TAF4B: variants seen among roughly 807,000 people sequenced by gnomAD.
TAF4B encodes TATA-box binding protein associated factor 4b.
A neutral mutation model predicts 86.4 loss-of-function variants in TAF4B; 38 were observed. The ratio of observed to expected loss-of-function variants is 0.44; its 90% CI spans 0.34 to 0.58. The LOEUF (loss-of-function observed/expected upper bound fraction) is 0.58, where lower values mean the gene tolerates loss of function less well. Among genes scored for constraint, TAF4B ranks in the 20% least tolerant of loss-of-function variants. The pLI is 0.02. For synonymous variants in TAF4B, 388 were observed against 391.2 expected (o/e 0.99, Z 0.10); for missense variants, 988 against 1,027.6 (o/e 0.96, Z 0.53).
At chr18:26,347,172 G>A (rs183673198) in intron 13 of TAF4B, among the ~76,000 whole-genome samples, 25 of 151,414 alleles carry the variant, frequency 1.7e-4, no homozygotes, top group Admixed American at 7.9e-4. Flanking sequence ...CGTCCGCCTC[G>A]GCCTCCCAAA....
intron 12 of TAF4B, 146 bp downstream of exon 12, chr18:26,327,286 A>ACAGC: frequency 1.0e-6 from 1 of 990,156 alleles, no homozygotes; most frequent in East Asian, 2.7e-5. Context: ...AGGATGTCTC[A>ACAGC]CAGCCAGGAT....
At position 26,327,910 on chromosome 18, in the gene TAF4B, C is replaced by T. The variant is rs1031777613; in HGVS notation, c.2259+770C>T. Reference sequence around the variant, plus strand: ...AAGGCTATTTATTTATTTCCCTTCTCCCTTATTTAAACGTTTTCTTGGGCT... The same window carrying T: ...AAGGCTATTTATTTATTTCCCTTCTTCCTTATTTAAACGTTTTCTTGGGCT... On this transcript the variant is annotated intron_variant, in intron 12 of 14. Transcript: ENST00000269142. Among the ~76,000 whole-genome samples the T allele has an allele frequency of 3.9e-5, 6 of 152,180 alleles. No homozygotes were observed. In the South Asian group the frequency reaches 1.2e-3, roughly 31 times the overall value.
In TAF4B at chr18:26,334,575, C is replaced by T. The variant is rs150939092; in HGVS notation, c.2260-600C>T. Among the ~76,000 whole-genome samples, 186 of 152,152 alleles carry T rather than the reference C, an allele frequency of 1.2e-3. 4 individuals carry two copies. In the East Asian group the frequency reaches 0.022, roughly 18 times the overall value. ...TATGCCAGTTCTGTATTATGGAAGG[C>T]GACATCCAATAAACAATTATTGAAC... On this transcript the variant is annotated intron_variant, in intron 12 of 14. Transcript: ENST00000269142.
intron 1 of TAF4B, among the ~76,000 whole-genome samples, chr18:26,241,643 G>A (rs1007718703): frequency 6.6e-6 from 1 of 151,952 alleles, no homozygotes; most frequent in Non-Finnish European, 1.5e-5. Context: ...GAATGTGTTT[G>A]CTCTTGCTTC....
chr18:26,359,968 TTGGCCTCCCAAA>T (rs2057317908), intron 14 of TAF4B, among the ~76,000 whole-genome samples: 1 of 152,030 alleles, frequency 6.6e-6, no homozygotes, highest in Non-Finnish European at 1.5e-5. Context: ...TTCACCTGCC[TTGGCCTCCCAAA>T]GTGCTAGGAT....
intron 9 of TAF4B, among the ~76,000 whole-genome samples, chr18:26,302,371 A>ATTTT (rs66683595): frequency 0.025 from 2,319 of 92,998 alleles, 200 homozygotes; most frequent in African/African-American, 0.076. Flanking sequence ...TTCATATTAA[A>ATTTT]TTTTTTTTTT....
At chr18:26,273,423 T>TA (rs1215104020) in intron 3 of TAF4B, among the ~76,000 whole-genome samples, 1 of 152,194 alleles carries the variant, frequency 6.6e-6, no homozygotes, top group Non-Finnish European at 1.5e-5. Flanking sequence ...TATGTACACA[T>TA]ATGTAATATG....
intron 10 of TAF4B, among the ~76,000 whole-genome samples, chr18:26,316,654 G>A (rs1413470241): frequency 6.6e-6 from 1 of 152,054 alleles, no homozygotes; most frequent in Non-Finnish European, 1.5e-5. Context: ...CAAAGTGCTG[G>A]GATTACAGGC....
rs151223094 is a variant in TAF4B, at chr18:26,283,831, A to G, written c.972+1771A>G. 2.0e-3 allele frequency among the ~76,000 whole-genome samples: 311 copies of G among 152,282 alleles called. 1 individual carries two copies. Among genetic ancestry groups the G allele is most frequent in the African/African-American group, 7.3e-3 (302 of 41,546 alleles). On this transcript the variant is annotated intron_variant, in intron 6 of 14. Coordinates refer to ENST00000269142, the MANE Select transcript of TAF4B (RefSeq NM_005640.3). The stretch of plus-strand genomic sequence containing the variant: ...TTTAGGAGCCCAAGGCAGGCAGATC[A>G]CCTGGGGTCAGGAGTTCGAGACCAG...
chr18:26,266,529 C>T (rs1240248244), intron 2 of TAF4B, among the ~76,000 whole-genome samples: 1 of 152,150 alleles, frequency 6.6e-6, no homozygotes, highest in Non-Finnish European at 1.5e-5. Flanking sequence ...GGTGATCTTT[C>T]TAGATAACTG....
At chr18:26,296,595 C>A (rs899625117) in intron 9 of TAF4B, among the ~76,000 whole-genome samples, 3 of 152,056 alleles carry the variant, frequency 2.0e-5, no homozygotes, top group Non-Finnish European at 4.4e-5. Context: ...GTAATCCAGG[C>A]AGTCATCATC....
intron 10 of TAF4B, among the ~76,000 whole-genome samples, chr18:26,318,839 T>C (rs1354994978): frequency 6.6e-6 from 1 of 152,262 alleles, no homozygotes; most frequent in African/African-American, 2.4e-5. Flanking sequence ...TTAAAAGATA[T>C]GTGTGTTTTT....
chr18:26,369,963 T>G (rs1421274850), intron 14 of TAF4B, among the ~76,000 whole-genome samples: 2 of 152,188 alleles, frequency 1.3e-5, no homozygotes, highest in African/African-American at 4.8e-5. Context: ...TGATCCTGTC[T>G]CTAGTGGTAA....
At chr18:26,290,729 C>T (rs1400393206) in intron 7 of TAF4B, among the ~76,000 whole-genome samples, 18 of 152,166 alleles carry the variant, frequency 1.2e-4, no homozygotes, top group Admixed American at 1.2e-3. Flanking sequence ...TGACAACTTT[C>T]ACACTGGTAA....
At chr18:26,340,338 T>A (rs1234828887) in intron 13 of TAF4B, among the ~76,000 whole-genome samples, 1 of 152,206 alleles carries the variant, frequency 6.6e-6, no homozygotes, top group African/African-American at 2.4e-5. Flanking sequence ...ATTATATCAA[T>A]TTGTATTTAA....
At chr18:26,287,510 T>G (rs1457889630) in intron 7 of TAF4B, among the ~76,000 whole-genome samples, 3 of 152,226 alleles carry the variant, frequency 2.0e-5, no homozygotes, top group Non-Finnish European at 2.9e-5. Flanking sequence ...CTTCTTTATT[T>G]AAGAAAAGGT....
At chr18:26,243,283 T>C (rs762236421) in intron 1 of TAF4B, among the ~76,000 whole-genome samples, 5 of 152,176 alleles carry the variant, frequency 3.3e-5, no homozygotes, top group Non-Finnish European at 5.9e-5. Context: ...TTGTTTATTT[T>C]TTTTTATTCT....
At chr18:26,289,610 C>T (rs895550289) in intron 7 of TAF4B, among the ~76,000 whole-genome samples, 1 of 152,178 alleles carries the variant, frequency 6.6e-6, no homozygotes, top group Non-Finnish European at 1.5e-5. Flanking sequence ...CCTCTGCCTC[C>T]TGACTAGCTG....
At chr18:26,383,642 TATC>T (rs1231646335) in intron 14 of TAF4B, among the ~76,000 whole-genome samples, 1 of 152,222 alleles carries the variant, frequency 6.6e-6, no homozygotes, top group Admixed American at 6.5e-5. Flanking sequence ...GGCAGTATAT[TATC>T]TCTATAGCTC....
Sources: allele counts gnomAD v4.1 joint callset (sites outside exome capture counted in the v4.1 genomes callset), GRCh38; gene constraint gnomAD v4.1.1; transcripts MANE v1.5; gene names NCBI Gene and HGNC (gene_info 2026-07-23, HGNC 2026-07-21).